LTBP2: variants seen among roughly 807,000 people sequenced by gnomAD.
The protein encoded by LTBP2 is latent transforming growth factor beta binding protein 2, also known as latent-transforming growth factor beta-binding protein 2.
Under a neutral mutation model 210.6 loss-of-function variants are expected in LTBP2, and 103 were observed. The observed-to-expected ratio is 0.49, with a 90% CI of 0.42 to 0.58. The LOEUF is 0.58. LTBP2 is among the 20% of genes least tolerant of loss of function. LTBP2 has a pLI of 0.00. For missense variants in LTBP2, 2,313 were observed against 2,494.5 expected, an observed-to-expected ratio of 0.93 and a Z score of 1.55; for synonymous variants, 1,007 against 1,015.0, an observed-to-expected ratio of 0.99 and a Z score of 0.15.
At position 74,506,793 on chromosome 14, in the gene LTBP2, C is replaced by T. The variant is rs767508389; in HGVS notation, c.3938G>A (p.Cys1313Tyr). The change falls in exon 27 of 36, where the codon TGT (cysteine) becomes TAT (tyrosine). Residue 1313 changes from cysteine to tyrosine, a missense_variant. Around this residue, in one of 3 missense-constraint regions of LTBP2, gnomAD observed 1,867 missense variants for 1,976.9 expected, o/e 0.94. Transcript: ENST00000261978. ...DIDECANDTM[C>Y]GSHGFCDNTD... ...GTTGTCACAGAAGCCGTGGCTGCCA[C>T]ACATGGTGTCGTTGGCGCACTCGTC... The T allele has an allele frequency of 1.2e-5, 20 of 1,614,010 alleles. No individual in the cohort carries two copies. Among genetic ancestry groups the T allele is most frequent in the Non-Finnish European group, 1.7e-6 (2 of 1,180,046 alleles).
Position 74,500,949 on chromosome 14 carries a change from G to C in LTBP2, c.5401C>G (p.Arg1801Gly), listed in dbSNP as rs775623880. The C allele has an allele frequency of 1.2e-5, 19 of 1,614,050 alleles. No homozygotes were observed. The highest frequency in any genetic ancestry group is 1.1e-5 in the South Asian group (1 of 91,080). The change falls in exon 36 of 36, where the codon CGC becomes GGC. Residue 1801 changes from arginine to glycine, a missense_variant. By Grantham distance (125) the Arg-to-Gly change is moderately radical. Around this residue, in one of 3 missense-constraint regions of LTBP2, gnomAD observed 443 missense variants for 501.4 expected, o/e 0.88. Transcript: ENST00000261978. ...ACATATCCCGGGGAGCAGTGGCAGCGGTAGGAGCCCTCTGTGTTCTCGCAG... is the reference window on the plus strand; with the variant it reads ...ACATATCCCGGGGAGCAGTGGCAGCCGTAGGAGCCCTCTGTGTTCTCGCAG... ...GYCENTEGSY[R>G]CHCSPGYVAE...
intron 8 of LTBP2, among the ~76,000 whole-genome samples, 161 bp downstream of exon 8, chr14:74,549,702 C>T (rs945763127): frequency 6.6e-6 from 1 of 152,220 alleles, no homozygotes; most frequent in African/African-American, 2.4e-5. Context: ...AGCCTCAGTG[C>T]TGGCCAGAAA....
intron 3 of LTBP2, among the ~76,000 whole-genome samples, chr14:74,579,819 G>C (rs187810295): frequency 9.8e-5 from 15 of 152,348 alleles, no homozygotes; most frequent in Non-Finnish European, 1.9e-4. Context: ...CTCACCAACA[G>C]AACGGCAACC....
intron 12 of LTBP2, 105 bp from the exon 13 acceptor site, chr14:74,527,471 C>G: frequency 8.3e-7 from 1 of 1,205,568 alleles, no homozygotes; most frequent in East Asian, 2.5e-5. Context: ...AGACCACATC[C>G]CCAGCAGGGC....
intron 19 of LTBP2, 130 bp downstream of exon 19, chr14:74,511,115 G>C: frequency 6.9e-7 from 1 of 1,451,402 alleles, no homozygotes; most frequent in Non-Finnish European, 9.6e-7. Flanking sequence ...TGGGAACCCA[G>C]CTAGATCATG....
At chr14:74,589,869 C>G (rs2088257463) in intron 2 of LTBP2, among the ~76,000 whole-genome samples, 1 of 152,176 alleles carries the variant, frequency 6.6e-6, no homozygotes, top group East Asian at 1.9e-4. Flanking sequence ...AGACCCAAAG[C>G]CCGGCGTGGG....
chr14:74,555,280 C>G (rs1016818964), intron 4 of LTBP2, among the ~76,000 whole-genome samples: 1 of 152,046 alleles, frequency 6.6e-6, no homozygotes, highest in Admixed American at 6.5e-5. Context: ...ATAGAGCAGT[C>G]TAGGTCTAAA....
intron 2 of LTBP2, among the ~76,000 whole-genome samples, chr14:74,599,597 G>A (rs2088416938): frequency 6.6e-6 from 1 of 152,266 alleles, no homozygotes; most frequent in Non-Finnish European, 1.5e-5. Flanking sequence ...GAGAGAGCTG[G>A]CAAAGCTACA....
chr14:74,534,322 C>T (rs1014210230), intron 9 of LTBP2, among the ~76,000 whole-genome samples: 1 of 152,190 alleles, frequency 6.6e-6, no homozygotes, highest in African/African-American at 2.4e-5. Context: ...TCTGATGAGA[C>T]ACTGGCAGAC....
At chr14:74,532,351 G>T in intron 10 of LTBP2, 75 bp downstream of exon 10, 1 of 1,597,860 alleles carries the variant, frequency 6.3e-7, no homozygotes, top group Non-Finnish European at 8.5e-7. Flanking sequence ...GCTGCCCTGG[G>T]CCTGGCCTGT....
Position 74,611,910 on chromosome 14 carries a change from C to A in LTBP2, c.35G>T (p.Arg12Leu). Residue 12 changes from arginine (R) to leucine (L), a missense_variant, in exon 1 of 36, where the codon CGC (arginine) becomes CTC (leucine). Coordinates refer to ENST00000261978, the MANE Select transcript of LTBP2 (RefSeq NM_000428.3). The stretch of plus-strand genomic sequence containing the variant: ...GCCTCTCCAGGGGTTCCGCAGGGCG[C>A]GCCCCGGGCTGCGGGCTTTGGTCCG... ...RPRTKARSPG[R>L]ALRNPWRGFL... is the part of the protein sequence containing the mutation. The A allele has an allele frequency of 6.3e-7, 1 of 1,595,176 alleles. No homozygotes were observed. The highest frequency in any genetic ancestry group is 8.5e-7 in the Non-Finnish European group (1 of 1,174,136).
chr14:74,522,105 A>G, intron 16 of LTBP2, 66 bp from the exon 17 acceptor site: 11 of 1,556,262 alleles, frequency 7.1e-6, no homozygotes, highest in Non-Finnish European at 9.6e-6. Context: ...GGCACCTACC[A>G]GCAACCTGCC....
At chr14:74,547,185 A>G (rs1203161046) in intron 8 of LTBP2, among the ~76,000 whole-genome samples, 2 of 152,112 alleles carry the variant, frequency 1.3e-5, no homozygotes, top group Admixed American at 1.3e-4. Context: ...CTCTATTTTC[A>G]TTTTCACTAA....
At chr14:74,575,403 C>G (rs908405197) in intron 3 of LTBP2, among the ~76,000 whole-genome samples, 1 of 152,118 alleles carries the variant, frequency 6.6e-6, no homozygotes. Flanking sequence ...TAGGAGACAT[C>G]TCTCTCCTTC....
At chr14:74,599,348 A>G (rs1249085478) in intron 2 of LTBP2, among the ~76,000 whole-genome samples, 1 of 146,504 alleles carries the variant, frequency 6.8e-6, no homozygotes, top group Non-Finnish European at 1.5e-5. Context: ...AAGCAGCCCC[A>G]GCCCCTGTGC....
chr14:74,582,535 AT>A (rs2088151782), intron 3 of LTBP2, among the ~76,000 whole-genome samples: 1 of 152,028 alleles, frequency 6.6e-6, no homozygotes. Context: ...TTGAACACTA[AT>A]TCATATCAGG....
chr14:74,589,992 C>T (rs2088259751), intron 2 of LTBP2, among the ~76,000 whole-genome samples: 1 of 152,148 alleles, frequency 6.6e-6, no homozygotes, highest in African/African-American at 2.4e-5. Context: ...TGAGAACAGC[C>T]CATCCTTCAC....
At chr14:74,561,761 C>T (rs886800054) in intron 3 of LTBP2, among the ~76,000 whole-genome samples, 2 of 152,130 alleles carry the variant, frequency 1.3e-5, no homozygotes, top group Non-Finnish European at 2.9e-5. Context: ...AATGTGTACA[C>T]ATAACTAGGA....
At chr14:74,596,305 G>C (rs987981634) in intron 2 of LTBP2, among the ~76,000 whole-genome samples, 7 of 152,266 alleles carry the variant, frequency 4.6e-5, no homozygotes, top group Admixed American at 3.9e-4. Context: ...TGGTACGTGA[G>C]GGATGGAGGA....
Sources: allele counts gnomAD v4.1 joint callset (sites outside exome capture counted in the v4.1 genomes callset), GRCh38; gene constraint gnomAD v4.1.1; regional missense constraint gnomAD v4.1.1; transcripts MANE v1.5; gene names NCBI Gene and HGNC (gene_info 2026-07-23, HGNC 2026-07-21).